Variants in TENM1 observed in about 807,000 individuals in gnomAD.
The protein encoded by TENM1 is teneurin-1.
A neutral mutation model predicts 174.8 loss-of-function variants in TENM1; 35 were observed. The observed-to-expected ratio is 0.20, with a 90% confidence interval of 0.15 to 0.27. The LOEUF (loss-of-function observed/expected upper bound fraction) is 0.27, where lower values mean the gene tolerates loss of function less well. Ranked by LOEUF, TENM1 falls within the 10% of genes least tolerant of loss-of-function variation. TENM1 has a pLI of 1.00. For synonymous variants in TENM1, 781 were observed against 798.7 expected, an observed-to-expected ratio of 0.98 and a Z score of 0.37; for missense variants, 1,633 against 2,130.1, an observed-to-expected ratio of 0.77 and a Z score of 4.59.
the TENM1 span, among the ~76,000 whole-genome samples, chrX:125,141,332 G>A: frequency 9.0e-6 from 1 of 111,670 alleles, no homozygotes; most frequent in Non-Finnish European, 1.9e-5. Flanking sequence ...GGTGTGAGAG[G>A]GAGTAAGAGC....
intron 8 of TENM1, among the ~76,000 whole-genome samples, chrX:124,648,917 T>A (rs2051228460): frequency 8.9e-6 from 1 of 111,977 alleles, no homozygotes; most frequent in East Asian, 2.8e-4. Flanking sequence ...ATTTAAGAAC[T>A]GTCCCTGAGC....
At chrX:124,500,691 G>T (rs2047309654) in intron 19 of TENM1, among the ~76,000 whole-genome samples, 1 of 111,742 alleles carries the variant, frequency 8.9e-6, no homozygotes, top group Admixed American at 9.5e-5. Context: ...GTATAATAAG[G>T]TAAGCACACT....
chrX:125,020,402 A>G, the TENM1 span, among the ~76,000 whole-genome samples: 1 of 110,430 alleles, frequency 9.1e-6, no homozygotes, highest in Non-Finnish European at 1.9e-5. Flanking sequence ...ATGAACCTAT[A>G]TAATTATAGG....
chrX:125,045,931 A>G, the TENM1 span, among the ~76,000 whole-genome samples: 1 of 112,042 alleles, frequency 8.9e-6, no homozygotes, highest in African/African-American at 3.2e-5. Flanking sequence ...TTTCATCTAC[A>G]AACACTAGAA....
the TENM1 span, among the ~76,000 whole-genome samples, chrX:125,028,568 A>C: frequency 8.9e-6 from 1 of 111,770 alleles, no homozygotes; most frequent in African/African-American, 3.3e-5. Flanking sequence ...ATCAAGAAAA[A>C]TAATGGGTAC....
At position 124,460,394 on chromosome X, in the gene TENM1, ATCCATAAAAAGGAATGAGATCATGTCC is replaced by A. The variant is rs755754785; in HGVS notation, c.3950-6930_3950-6904del. Among the ~76,000 whole-genome samples, 107 of 111,983 alleles carry A rather than the reference ATCCATAAAAAGGAATGAGATCATGTCC, an allele frequency of 9.6e-4. No homozygotes were observed. The Admixed American group carries it at 9.9e-3, about 10-fold the overall frequency. ...ACATATACACCATGGAATACTATGA[ATCCATAAAAAGGAATGAGATCATGTCC>A]TCTGTAGGGACATGGATAAAGCTGG... On this transcript the variant is annotated intron_variant, in intron 22 of 31. Transcript: ENST00000422452.
intron 11 of TENM1, among the ~76,000 whole-genome samples, chrX:124,638,863 GC>G (rs2050943502): frequency 9.0e-6 from 1 of 110,963 alleles, no homozygotes; most frequent in South Asian, 3.8e-4. Context: ...ACTTACTTTT[GC>G]CTAGTCATCC....
rs903338025 is a variant in TENM1 at position 124,458,925 on chromosome X, A to C, written c.3950-5434T>G. 2.7e-5 allele frequency among the ~76,000 whole-genome samples: 3 copies of C among 112,395 alleles called. No individual in the cohort carries two copies. The Admixed American group carries it at 2.8e-4, about 11-fold the overall frequency. On this transcript the variant is annotated intron_variant, in intron 22 of 31. Coordinates refer to ENST00000422452, the Ensembl canonical transcript of TENM1. ...TTTCTGTTTACTCATTAACTTATTC[A>C]AGATTTATTCTGCACCCTCTGCGTG...
chrX:124,994,709 T>C, the TENM1 span, among the ~76,000 whole-genome samples: 1 of 110,373 alleles, frequency 9.1e-6, no homozygotes, highest in East Asian at 2.9e-4. Context: ...CTCTATTGAA[T>C]CTTTCCACTT....
the TENM1 span, among the ~76,000 whole-genome samples, chrX:125,055,618 A>G: frequency 9.0e-6 from 1 of 111,562 alleles, no homozygotes; most frequent in Non-Finnish European, 1.9e-5. Context: ...AAAACCACTT[A>G]AAGACACTCA....
chrX:124,855,323 C>T (rs2056795034), intron 3 of TENM1, among the ~76,000 whole-genome samples: 1 of 110,898 alleles, frequency 9.0e-6, no homozygotes, highest in African/African-American at 3.3e-5. Flanking sequence ...CTTTTCTTAC[C>T]TGATTTGGGA....
At chrX:124,503,672 A>G (rs778423340) in exon 19 of TENM1, 15 of 1,204,878 alleles carry the variant, frequency 1.2e-5, no homozygotes, top group Non-Finnish European at 1.5e-5. Flanking sequence ...GAATAAAGTC[A>G]GGGCACGTTT....
chrX:124,961,894 G>A (rs1312075680), intron 1 of TENM1, among the ~76,000 whole-genome samples: 1 of 111,208 alleles, frequency 9.0e-6, no homozygotes, highest in Non-Finnish European at 1.9e-5. Context: ...GACCAGTAAA[G>A]AAACAAAAAA....
intron 25 of TENM1, among the ~76,000 whole-genome samples, chrX:124,409,501 A>T (rs1236124112): frequency 7.3e-5 from 8 of 109,047 alleles, no homozygotes; most frequent in African/African-American, 1.7e-4. Context: ...CCTATTCAAC[A>T]TAGTGTTGGA....
In TENM1 at chrX:124,385,446, T is replaced by C. The variant is rs113565401; in HGVS notation, c.6076+231A>G. Among the ~76,000 whole-genome samples the C allele has an allele frequency of 4.5e-3, 509 of 112,551 alleles. 6 individuals carry two copies. The highest frequency in any genetic ancestry group is 0.015 in the African/African-American group (480 of 31,017). Reference sequence around the variant, plus strand: ...TACAGTTACACTAGGCACTTGGATTTCAAATTACTTGAGAGCTGAAAGAAA... The same window carrying C: ...TACAGTTACACTAGGCACTTGGATTCCAAATTACTTGAGAGCTGAAAGAAA... On this transcript the variant is annotated intron_variant, in intron 29 of 31. Transcript: ENST00000422452.
At chrX:124,474,917 T>C (rs1335468115) in intron 22 of TENM1, among the ~76,000 whole-genome samples, 2 of 112,211 alleles carry the variant, frequency 1.8e-5, no homozygotes, top group East Asian at 2.8e-4. Context: ...CACAAGGTCA[T>C]TGAGGGATAA....
intron 1 of TENM1, among the ~76,000 whole-genome samples, chrX:124,910,422 A>G (rs532342338): frequency 8.9e-6 from 1 of 112,155 alleles, no homozygotes; most frequent in South Asian, 3.7e-4. Context: ...AAAACAATCT[A>G]TGAGGATTGC....
chrX:124,854,778 A>C (rs1282913541), intron 3 of TENM1, among the ~76,000 whole-genome samples: 1 of 111,906 alleles, frequency 8.9e-6, no homozygotes, highest in Non-Finnish European at 1.9e-5. Flanking sequence ...TGTTTGGAAA[A>C]ATAGTGGAAA....
chrX:125,132,934 C>A, the TENM1 span, among the ~76,000 whole-genome samples: 1 of 111,720 alleles, frequency 9.0e-6, no homozygotes, highest in Non-Finnish European at 1.9e-5. Flanking sequence ...ATATACCTAA[C>A]TGATGAGTGC....
Sources: allele counts gnomAD v4.1 joint callset (sites outside exome capture counted in the v4.1 genomes callset), GRCh38; gene constraint gnomAD v4.1.1; transcripts MANE v1.5; gene names NCBI Gene and HGNC (gene_info 2026-07-23, HGNC 2026-07-21).